The following PCYT1A variants were observed in gnomAD, a reference collection of about 807,000 sequenced individuals.
PCYT1A encodes the protein choline-phosphate cytidylyltransferase A.
PCYT1A carries 25 observed loss-of-function variants against 43.7 expected under a neutral mutation model. The ratio of observed to expected loss-of-function variants is 0.57; its 90% CI spans 0.42 to 0.80. The LOEUF (loss-of-function observed/expected upper bound fraction) is 0.80. PCYT1A is among the 30% of genes least tolerant of loss of function. PCYT1A has a pLI of 0.00. For missense variants in PCYT1A, 421 were observed against 474.2 expected (o/e 0.89, Z 1.04); for synonymous variants, 172 against 170.7 (o/e 1.01, Z -0.06).
rs143338826 is a variant in PCYT1A at position 196,252,034 on chromosome 3, C to G, written c.218-3711G>C. Among the ~76,000 whole-genome samples the G allele has an allele frequency of 0.019, 2,836 of 152,182 alleles. 33 individuals carry two copies. Among genetic ancestry groups the G allele is most frequent in the Non-Finnish European group, 0.026 (1,793 of 67,998 alleles). ...AAATGATCCTCCCGCCTCAGCCTCC[C>G]GAGAAGCTGGGACTACAGCGCACAC... On this transcript the variant is annotated intron_variant, in intron 3 of 8. Transcript: ENST00000431016. This position sits in a 1 kb window ranked among gnomAD's most constrained non-coding sequence, Gnocchi z 4.0.
chr3:196,277,852 G>A lies in PCYT1A; in HGVS notation c.-10-7311C>T, dbSNP rs556754916. Among the ~76,000 whole-genome samples the A allele has an allele frequency of 1.1e-4, 17 of 152,310 alleles. No homozygotes were observed. Among genetic ancestry groups the A allele is most frequent in the Admixed American group, 3.9e-4 (6 of 15,294 alleles). ...CACGCCACTGCGCTCCAGCCTGGGC[G>A]ACAGAGCGAGACTTTGTCTCAAAAT... On this transcript the variant is annotated intron_variant, in intron 1 of 8. Transcript: ENST00000431016. This position sits in a 1 kb window ranked among gnomAD's most constrained non-coding sequence, Gnocchi z 4.1.
chr3:196,258,319 A>G (rs1366102422), intron 2 of PCYT1A, among the ~76,000 whole-genome samples: 2 of 150,276 alleles, frequency 1.3e-5, no homozygotes, highest in Non-Finnish European at 3.0e-5. Context: ...TGTTATTCCT[A>G]TGTATTTTAT....
chr3:196,249,313 AT>A (rs10668425), intron 3 of PCYT1A, among the ~76,000 whole-genome samples: 121 of 125,784 alleles, frequency 9.6e-4, no homozygotes, highest in African/African-American at 1.3e-3. Flanking sequence ...TGCCCAGCTA[AT>A]TTTTTTTTTT....
intron 2 of PCYT1A, among the ~76,000 whole-genome samples, chr3:196,265,396 T>C (rs1725237707): frequency 6.6e-6 from 1 of 152,158 alleles, no homozygotes. Flanking sequence ...CTAAACGTCT[T>C]ATGTTTTGTA....
At chr3:196,256,500 A>C (rs1420358680) in intron 3 of PCYT1A, among the ~76,000 whole-genome samples, 1 of 152,292 alleles carries the variant, frequency 6.6e-6, no homozygotes, top group African/African-American at 2.4e-5. Context: ...AAAAGAAAAA[A>C]AAATTTCCCA....
intron 7 of PCYT1A, chr3:196,241,642 C>T (rs1341896145): frequency 2.2e-6 from 3 of 1,343,050 alleles, no homozygotes; most frequent in Non-Finnish European, 2.9e-6. Flanking sequence ...ATCATCCAAC[C>T]GAAGAAGAGA....
chr3:196,259,113 G>A (rs1190435078), intron 2 of PCYT1A, among the ~76,000 whole-genome samples: 2 of 151,848 alleles, frequency 1.3e-5, no homozygotes, highest in African/African-American at 2.4e-5. Context: ...CAACTCTGGG[G>A]CTCAAGCAAT....
intron 2 of PCYT1A, among the ~76,000 whole-genome samples, chr3:196,263,368 A>G (rs1725172121): frequency 6.6e-6 from 1 of 152,082 alleles, no homozygotes; most frequent in Non-Finnish European, 1.5e-5. Flanking sequence ...GGGGCACATC[A>G]CCATATCCAG....
At chr3:196,280,025 G>T (rs137976476) in intron 1 of PCYT1A, among the ~76,000 whole-genome samples, 204 of 151,844 alleles carry the variant, frequency 1.3e-3, no homozygotes, top group African/African-American at 4.8e-3. Flanking sequence ...GTAGAGATGG[G>T]GTTTCTCCAT....
intron 1 of PCYT1A, among the ~76,000 whole-genome samples, chr3:196,270,775 G>A (rs370089042): frequency 4.6e-5 from 7 of 152,308 alleles, no homozygotes; most frequent in African/African-American, 7.2e-5. Flanking sequence ...TGAATTGCCT[G>A]AAGTCGGAAG....
Position 196,247,515 on chromosome 3 carries a change from C to G in PCYT1A, c.338G>C (p.Cys113Ser). 1 of 1,614,082 alleles carries G rather than the reference C, an allele frequency of 6.2e-7. No individual in the cohort carries two copies. The highest frequency in any genetic ancestry group is 8.5e-7 in the Non-Finnish European group (1 of 1,179,922). ...FPNTYLIVGV[C>S]SDELTHNFKG... Reference sequence around the variant, plus strand: ...GAAGTTGTGTGTGAGCTCATCACTGCAAACTGGTTCACCACATCATAAATT... The same window carrying G: ...GAAGTTGTGTGTGAGCTCATCACTGGAAACTGGTTCACCACATCATAAATT... Residue 113 changes from cysteine to serine, a missense_variant, in exon 5 of 9, where the codon TGC (cysteine) becomes TCC (serine). Coordinates refer to ENST00000431016, the MANE Select transcript of PCYT1A (RefSeq NM_001312673.2). The surrounding 1 kb of genome is among the most constrained non-coding windows in gnomAD (Gnocchi z 4.8).
chr3:196,239,403 TG>T (rs1327012696), intron 8 of PCYT1A, 143 bp downstream of exon 8: 3 of 542,488 alleles, frequency 5.5e-6, no homozygotes, highest in Non-Finnish European at 9.7e-6. Context: ...AAAACCTTGC[TG>T]GGGACAGTTG....
In PCYT1A at chr3:196,242,612, G is replaced by C; in HGVS notation, c.515C>G (p.Pro172Arg). Residue 172 changes from proline (P) to arginine (R), a missense_variant, in exon 6 of 9, where the codon CCT becomes CGT. Pro to Arg is a moderately radical substitution (Grantham distance 103, BLOSUM62 -2). Coordinates refer to ENST00000431016, the MANE Select transcript of PCYT1A (RefSeq NM_001312673.2). The surrounding 1 kb of genome is among the most constrained non-coding windows in gnomAD (Gnocchi z 4.2). ...RIDFVAHDDI[P>R]YSSAGSDDVY... Reference sequence around the variant, plus strand: ...ATCATCACTGCCAGCAGATGAATAAGGAATATCATCATGGGCTACAAAATC... The same window carrying C: ...ATCATCACTGCCAGCAGATGAATAACGAATATCATCATGGGCTACAAAATC... 1 of 1,610,502 alleles carries C rather than the reference G, an allele frequency of 6.2e-7. No individual in the cohort carries two copies. Among genetic ancestry groups the C allele is most frequent in the Non-Finnish European group, 8.5e-7 (1 of 1,176,796 alleles).
chr3:196,242,565 C>T lies in PCYT1A; in HGVS notation c.562G>A (p.Ala188Thr). 1.2e-6 allele frequency: 2 copies of T among 1,602,740 alleles called. No individual in the cohort carries two copies. Among genetic ancestry groups the T allele is most frequent in the Non-Finnish European group, 1.7e-6 (2 of 1,169,624 alleles). ...TGAGGAAGCACAGCTCACTCACCTG[C>T]CTCCTTGATGTGCTTATAAACATCA... Reference protein sequence around the residue: ...SDDVYKHIKEAGMFAPTQRTE... With the variant: ...SDDVYKHIKETGMFAPTQRTE... Residue 188 changes from alanine (A) to threonine (T), a missense_variant, in exon 6 of 9, where the codon GCA becomes ACA. This residue lies in a region of PCYT1A where 174 missense variants were observed against 270.7 expected (regional missense o/e 0.64). Coordinates refer to ENST00000431016, the MANE Select transcript of PCYT1A (RefSeq NM_001312673.2). The surrounding 1 kb of genome is among the most constrained non-coding windows in gnomAD (Gnocchi z 4.2).
intron 1 of PCYT1A, among the ~76,000 whole-genome samples, chr3:196,276,242 C>T (rs1024954408): frequency 1.3e-5 from 2 of 151,980 alleles, no homozygotes; most frequent in Admixed American, 6.6e-5. Context: ...TTAATCATTC[C>T]ACATGTAAAC....
At chr3:196,274,668 A>C (rs1009502503) in intron 1 of PCYT1A, among the ~76,000 whole-genome samples, 4 of 152,204 alleles carry the variant, frequency 2.6e-5, no homozygotes, top group African/African-American at 9.6e-5. Context: ...GCCTCTCATA[A>C]GCCTGACTGA....
chr3:196,270,277 A>C (rs1455533597), intron 2 of PCYT1A, 138 bp downstream of exon 2: 2 of 703,902 alleles, frequency 2.8e-6, no homozygotes, highest in East Asian at 4.9e-5. Context: ...AATCCAGTAA[A>C]AAGGCAGCAG....
chr3:196,284,864 T>C (rs1056989279), intron 1 of PCYT1A, among the ~76,000 whole-genome samples: 2 of 152,222 alleles, frequency 1.3e-5, no homozygotes, highest in African/African-American at 4.8e-5. Context: ...CCTTGAAGCA[T>C]AGATGCTGTT....
Position 196,242,563 on chromosome 3 carries a change from T to G in PCYT1A, c.564A>C (p.Ala188=), listed in dbSNP as rs1183090552. The G allele has an allele frequency of 6.2e-7, 1 of 1,601,550 alleles. No homozygotes were observed. Among genetic ancestry groups the G allele is most frequent in the East Asian group, 2.2e-5 (1 of 44,820 alleles). ...SDDVYKHIKE[A]GMFAPTQRTE... is the part of the protein sequence containing the mutation. Reference sequence around the variant, plus strand: ...AGTGAGGAAGCACAGCTCACTCACCTGCCTCCTTGATGTGCTTATAAACAT... The same window carrying G: ...AGTGAGGAAGCACAGCTCACTCACCGGCCTCCTTGATGTGCTTATAAACAT... Residue 188 remains alanine (A), a splice_region_variant and synonymous_variant, in exon 6 of 9, where the codon GCA becomes GCC. Coordinates refer to ENST00000431016, the MANE Select transcript of PCYT1A (RefSeq NM_001312673.2). This position sits in a 1 kb window ranked among gnomAD's most constrained non-coding sequence, Gnocchi z 4.2.
Sources: allele counts gnomAD v4.1 joint callset (sites outside exome capture counted in the v4.1 genomes callset), GRCh38; gene constraint gnomAD v4.1.1; regional missense constraint gnomAD v4.1.1; non-coding constraint Gnocchi (gnomAD v3.1); transcripts MANE v1.5; gene names NCBI Gene and HGNC (gene_info 2026-07-23, HGNC 2026-07-21).